Variants in USP42 observed in about 807,000 individuals in gnomAD.
USP42 encodes the protein ubiquitin specific peptidase 42.
In USP42, 23 loss-of-function variants were observed where a neutral mutation model predicts 113.0. The observed-to-expected ratio is 0.20, with a 90% confidence interval of 0.15 to 0.29. USP42 has a LOEUF of 0.29. USP42 is among the 10% of genes least tolerant of loss of function. The pLI is 1.00. For missense variants in USP42, 2,174 were observed against 1,779.8 expected (o/e 1.22, Z -3.99); for synonymous variants, 933 against 699.0 (o/e 1.33, Z -5.28).
In USP42 at chr7:6,154,407, C is replaced by T. The variant is rs767072376; in HGVS notation, c.2853C>T (p.Gly951=). Reference sequence around the variant, plus strand: ...GCAGCCTCAGAAAGGTGGACCGAGGCCACTACCGCAGCCGGAGAGAGCGCT... The same window carrying T: ...GCAGCCTCAGAAAGGTGGACCGAGGTCACTACCGCAGCCGGAGAGAGCGCT... ...KIGSLRKVDR[G]HYRSRRERSS... The change falls in exon 15 of 18, where the codon GGC becomes GGT. Residue 951 remains glycine, a synonymous_variant. Coordinates refer to ENST00000306177, the MANE Select transcript of USP42 (RefSeq NM_032172.3). 53 of 1,577,058 alleles carry T rather than the reference C, an allele frequency of 3.4e-5. No homozygotes were observed. The highest frequency in any genetic ancestry group is 1.9e-4 in the African/African-American group (14 of 74,066).
chr7:6,127,012 A>C (rs1370159988), intron 3 of USP42, among the ~76,000 whole-genome samples: 1 of 152,268 alleles, frequency 6.6e-6, no homozygotes, highest in Middle Eastern at 3.4e-3. Flanking sequence ...ACTAGTGTTC[A>C]TTTTACCTGT....
At chr7:6,096,450 A>G in the USP42 span, among the ~76,000 whole-genome samples, 13 of 151,354 alleles carry the variant, frequency 8.6e-5, no homozygotes, top group Admixed American at 5.9e-4. Flanking sequence ...CTGCCAGCCC[A>G]TAGGTTGCAT....
At chr7:6,124,807 T>C (rs545422393) in intron 3 of USP42, among the ~76,000 whole-genome samples, 25 of 152,304 alleles carry the variant, frequency 1.6e-4, no homozygotes, top group African/African-American at 5.8e-4. Flanking sequence ...ATCTGCTTCA[T>C]TGGCATATTT....
chr7:6,132,051 A>G (rs765501731), intron 3 of USP42, among the ~76,000 whole-genome samples: 1 of 152,034 alleles, frequency 6.6e-6, no homozygotes. Flanking sequence ...TCCCACCTCA[A>G]CTTCCTGAAT....
chr7:6,157,075 A>AT lies in USP42; in HGVS notation c.3943+22dup. The AT allele has an allele frequency of 6.4e-7, 1 of 1,553,858 alleles. No homozygotes were observed. Among genetic ancestry groups the AT allele is most frequent in the Non-Finnish European group, 8.7e-7 (1 of 1,154,634 alleles). On this transcript the variant is annotated intron_variant, in intron 16 of 17. Transcript: ENST00000306177. This position sits in a 1 kb window ranked among gnomAD's most constrained non-coding sequence, Gnocchi z 4.1. ...GCCAGGGTAAGAGGAGATACTTGGAATTAGGAAGATAGAAACTATTTCTTA... is the reference window on the plus strand; with the variant it reads ...GCCAGGGTAAGAGGAGATACTTGGAATTTAGGAAGATAGAAACTATTTCTTA...
At chr7:6,099,307 C>G in the USP42 span, among the ~76,000 whole-genome samples, 1 of 146,940 alleles carries the variant, frequency 6.8e-6, no homozygotes, top group Non-Finnish European at 1.5e-5. Flanking sequence ...CTAGGCCTCC[C>G]AGGTTCAAGA....
At position 6,139,033 on chromosome 7, in the gene USP42, G is replaced by A; in HGVS notation, c.554-59G>A. 2 of 1,138,530 alleles carry A rather than the reference G, an allele frequency of 1.8e-6. No homozygotes were observed. The highest frequency in any genetic ancestry group is 1.3e-6 in the Non-Finnish European group (1 of 795,536). 70.5% of individuals were successfully genotyped at this position (1,138,530 alleles called of 1,614,324 possible). A position where few individuals can be genotyped will look rare whatever the true frequency, so the allele number is the denominator to read the frequency against. On this transcript the variant is annotated intron_variant, in intron 4 of 17. Transcript: ENST00000306177. This position sits in a 1 kb window ranked among gnomAD's most constrained non-coding sequence, Gnocchi z 4.5. ...ATTATTATAAGATATATTTTGGGGG[G>A]TACAACTTAGGCTTATTACGTGTAA...
the USP42 span, among the ~76,000 whole-genome samples, chr7:6,090,154 G>C: frequency 2.0e-5 from 3 of 148,700 alleles, no homozygotes. Context: ...CACAAAATTA[G>C]ACAGGCATGG....
rs372485355 is a variant in USP42, at chr7:6,158,882, C to T, written c.3944-568C>T. 6.6e-6 allele frequency among the ~76,000 whole-genome samples: 1 copy of T among 151,576 alleles called. No homozygotes were observed. Among genetic ancestry groups the T allele is most frequent in the Non-Finnish European group, 1.5e-5 (1 of 67,904 alleles). ...ATGGCCCCCGAGGCAGCTGGTCCAG[C>T]GGGAGGGAGGTTGAACGTGATCTTG... On this transcript the variant is annotated intron_variant, in intron 16 of 17. Transcript: ENST00000306177. The surrounding 1 kb of genome is among the most constrained non-coding windows in gnomAD (Gnocchi z 4.2).
chr7:6,152,771 C>G (rs1055109766), intron 14 of USP42, among the ~76,000 whole-genome samples: 2 of 152,204 alleles, frequency 1.3e-5, no homozygotes, highest in Non-Finnish European at 2.9e-5. Flanking sequence ...AATCAAAGGA[C>G]AAAGTTAATT....
At chr7:6,126,278 G>T (rs958256010) in intron 3 of USP42, among the ~76,000 whole-genome samples, 1 of 150,900 alleles carries the variant, frequency 6.6e-6, no homozygotes, top group Non-Finnish European at 1.5e-5. Context: ...GTATGGATAC[G>T]CCACAGTTTC....
chr7:6,086,352 C>T, the USP42 span, among the ~76,000 whole-genome samples: 1 of 150,186 alleles, frequency 6.7e-6, no homozygotes, highest in Non-Finnish European at 1.5e-5. Flanking sequence ...ACTACAGGTG[C>T]CTGCCACCAT....
intron 14 of USP42, 38 bp downstream of exon 14, chr7:6,150,544 T>C: frequency 1.3e-6 from 2 of 1,578,616 alleles, no homozygotes; most frequent in Non-Finnish European, 1.7e-6. Context: ...TGTGGCAGCA[T>C]AGTAGGAAAT....
the USP42 span, among the ~76,000 whole-genome samples, chr7:6,096,446 G>A: frequency 1.3e-5 from 2 of 151,264 alleles, no homozygotes; most frequent in South Asian, 4.1e-4. Context: ...CATCCTGCCA[G>A]CCCATAGGTT....
At chr7:6,101,459 A>G (rs192419896), upstream of USP42, among the ~76,000 whole-genome samples, 7 of 151,396 alleles carry the variant, frequency 4.6e-5, no homozygotes, top group African/African-American at 1.5e-4. Flanking sequence ...CACAGAGCTT[A>G]TAAGAACAGA....
chr7:6,136,712 C>T (rs538498891), intron 4 of USP42, among the ~76,000 whole-genome samples: 2 of 152,202 alleles, frequency 1.3e-5, no homozygotes, highest in African/African-American at 2.4e-5. Flanking sequence ...AATTAGGCTA[C>T]TCTGGACACA....
intron 1 of USP42, among the ~76,000 whole-genome samples, chr7:6,110,262 T>G (rs1174096455): frequency 6.6e-6 from 1 of 152,194 alleles, no homozygotes; most frequent in Non-Finnish European, 1.5e-5. Context: ...CTGGGAACGC[T>G]GGACCTGGCT....
At position 6,154,885 on chromosome 7, in the gene USP42, C is replaced by T. The variant is rs1368188534; in HGVS notation, c.3331C>T (p.Arg1111Trp). The T allele has an allele frequency of 1.4e-5, 21 of 1,533,650 alleles. No individual in the cohort carries two copies. The highest frequency in any genetic ancestry group is 8.5e-5 in the South Asian group (7 of 82,654). ...CTGCGAGCCGGCCCGGGAGAGGGAG[C>T]GGCACCGCCCCAGCAGCCCCCGCGC... ...RGCEPARERE[R>W]HRPSSPRAGA... The change falls in exon 15 of 18, where the codon CGG becomes TGG. Residue 1111 changes from arginine to tryptophan, a missense_variant. By Grantham distance (101) the Arg-to-Trp change is moderately radical. Coordinates refer to ENST00000306177, the MANE Select transcript of USP42 (RefSeq NM_032172.3).
chr7:6,155,316 T>C, intron 15 of USP42, 121 bp downstream of exon 15: 1 of 1,397,930 alleles, frequency 7.2e-7, no homozygotes, highest in Non-Finnish European at 9.3e-7. Flanking sequence ...CCGTCTGATT[T>C]GTGTCTTTCA....
Sources: gnomAD v4.1 joint callset for allele counts (sites outside exome capture counted in the v4.1 genomes callset) on GRCh38, gnomAD v4.1.1 for gene constraint, Gnocchi (gnomAD v3.1) non-coding constraint, MANE v1.5 for transcripts, NCBI Gene and HGNC (gene_info 2026-07-23, HGNC 2026-07-21) for gene names.